CAMTA1: variants seen among roughly 807,000 people sequenced by gnomAD.
CAMTA1 encodes calmodulin-binding transcription activator 1.
CAMTA1 carries 27 observed loss-of-function variants against 170.9 expected under a neutral mutation model. The observed-to-expected ratio is 0.16, with a 90% confidence interval of 0.12 to 0.22. CAMTA1 has a LOEUF of 0.22. Among genes scored for constraint, CAMTA1 ranks in the 10% least tolerant of loss-of-function variants. The pLI is 1.00. For synonymous variants in CAMTA1, 833 were observed against 891.5 expected (o/e 0.93, Z 1.17); for missense variants, 1,619 against 2,217.2 (o/e 0.73, Z 5.42).
chr1:7,103,355 CACA>C (rs1231474676), intron 4 of CAMTA1, among the ~76,000 whole-genome samples: 2 of 151,824 alleles, frequency 1.3e-5, no homozygotes, highest in Admixed American at 6.6e-5. Flanking sequence ...CACATGCACA[CACA>C]ACACACACAT....
intron 6 of CAMTA1, among the ~76,000 whole-genome samples, chr1:7,521,144 G>A (rs904555903): frequency 5.9e-5 from 9 of 152,088 alleles, no homozygotes; most frequent in Admixed American, 2.0e-4. Context: ...TGATCTTCCC[G>A]CTTTTATTAC....
chr1:6,874,743 G>A (rs1319939960), intron 3 of CAMTA1, among the ~76,000 whole-genome samples: 1 of 152,170 alleles, frequency 6.6e-6, no homozygotes, highest in Admixed American at 6.5e-5. Flanking sequence ...TTGTTGATAG[G>A]TTCTTTTAAC....
At chr1:7,425,209 G>C (rs1160477992) in intron 5 of CAMTA1, among the ~76,000 whole-genome samples, 1 of 152,198 alleles carries the variant, frequency 6.6e-6, no homozygotes, top group Non-Finnish European at 1.5e-5. Flanking sequence ...CTGTGGGGAA[G>C]ACTTCCTGCT....
In CAMTA1 at chr1:7,696,843, G is replaced by A. The variant is rs1192696058; in HGVS notation, c.2914+19110G>A. 1.3e-5 allele frequency among the ~76,000 whole-genome samples: 2 copies of A among 152,184 alleles called. 1 individual carries two copies. The highest frequency in any genetic ancestry group is 4.8e-5 in the African/African-American group (2 of 41,440). ...ACACTCTGCACGGGAGGATCTGTGA[G>A]CCCTTAGCCAGGTGAAGAAGTGCAT... On this transcript the variant is annotated intron_variant, in intron 11 of 22. Coordinates refer to ENST00000303635, the MANE Select transcript of CAMTA1 (RefSeq NM_015215.4).
chr1:7,408,058 G>A (rs1047649676), intron 5 of CAMTA1, among the ~76,000 whole-genome samples: 2 of 152,184 alleles, frequency 1.3e-5, no homozygotes, highest in South Asian at 2.1e-4. Flanking sequence ...CACCGGCCAC[G>A]AGGCCTGGTC....
chr1:7,154,691 C>T (rs1046923613), intron 4 of CAMTA1, among the ~76,000 whole-genome samples: 7 of 152,220 alleles, frequency 4.6e-5, no homozygotes, highest in East Asian at 1.9e-4. Flanking sequence ...ACCCGAGTTC[C>T]GGGATGCCCT....
intron 5 of CAMTA1, among the ~76,000 whole-genome samples, chr1:7,383,719 ATGG>A (rs2087611041): frequency 6.6e-6 from 1 of 151,836 alleles, no homozygotes; most frequent in African/African-American, 2.4e-5. Context: ...GATGATGGTG[ATGG>A]TGGTGGTGGT....
At chr1:7,671,908 A>G (rs559719481) in intron 10 of CAMTA1, among the ~76,000 whole-genome samples, 1 of 152,290 alleles carries the variant, frequency 6.6e-6, no homozygotes, top group African/African-American at 2.4e-5. Context: ...GGGCTGGCAG[A>G]GTGCCGGACA....
intron 5 of CAMTA1, among the ~76,000 whole-genome samples, chr1:7,363,652 G>A (rs148114932): frequency 3.7e-4 from 56 of 152,262 alleles, no homozygotes; most frequent in East Asian, 3.9e-4. Flanking sequence ...TTTAAGCCCC[G>A]TGATTAGCAG....
intron 21 of CAMTA1, 142 bp from the exon 22 acceptor site, chr1:7,755,496 A>G: frequency 1.5e-6 from 1 of 687,174 alleles, no homozygotes; most frequent in Non-Finnish European, 2.6e-6. Flanking sequence ...CATTTCACGT[A>G]CCCCACCATC....
intron 4 of CAMTA1, among the ~76,000 whole-genome samples, chr1:7,172,803 C>G (rs563996762): frequency 6.6e-6 from 1 of 152,150 alleles, no homozygotes; most frequent in Admixed American, 6.5e-5. Context: ...CTGGCATCCC[C>G]GGGGCCCTGG....
rs889706406 is a variant in CAMTA1 at position 7,251,606 on chromosome 1, G to C, written c.438+1980G>C. Among the ~76,000 whole-genome samples the C allele has an allele frequency of 1.3e-5, 2 of 152,196 alleles. No individual in the cohort carries two copies. The highest frequency in any genetic ancestry group is 2.4e-5 in the African/African-American group (1 of 41,442). Reference sequence around the variant, plus strand: ...GAGCCACTCAGCAGATATCGACCCTGTGTGCCTACTCTGTGCAAGGCACTA... The same window carrying C: ...GAGCCACTCAGCAGATATCGACCCTCTGTGCCTACTCTGTGCAAGGCACTA... On this transcript the variant is annotated intron_variant, in intron 5 of 22. Transcript: ENST00000303635. The surrounding 1 kb of genome is among the most constrained non-coding windows in gnomAD (Gnocchi z 5.1).
rs1273140131 is a variant in CAMTA1, at chr1:7,290,892, C to T, written c.438+41266C>T. 3.3e-5 allele frequency among the ~76,000 whole-genome samples: 5 copies of T among 151,994 alleles called. No individual in the cohort carries two copies. In the East Asian group the frequency reaches 7.7e-4, roughly 23 times the overall value. On this transcript the variant is annotated intron_variant, in intron 5 of 22. Coordinates refer to ENST00000303635, the MANE Select transcript of CAMTA1 (RefSeq NM_015215.4). ...AACTTTACTGTCCTAAAATGTCCCT[C>T]ATTTTGCAAATGAGGAAATGGGGGC...
At chr1:7,739,989 AGT>A (rs2096799791) in intron 16 of CAMTA1, among the ~76,000 whole-genome samples, 1 of 152,136 alleles carries the variant, frequency 6.6e-6, no homozygotes, top group Admixed American at 6.5e-5. Context: ...TGGGAGCTAC[AGT>A]TCAACATGAA....
At chr1:7,235,454 T>C (rs1030728077) in intron 4 of CAMTA1, among the ~76,000 whole-genome samples, 2 of 152,110 alleles carry the variant, frequency 1.3e-5, no homozygotes, top group African/African-American at 2.4e-5. Context: ...GCGAAACCCC[T>C]GTGTCTACTA....
At chr1:6,859,462 G>T (rs1356461632) in intron 3 of CAMTA1, among the ~76,000 whole-genome samples, 1 of 152,194 alleles carries the variant, frequency 6.6e-6, no homozygotes, top group Non-Finnish European at 1.5e-5. Context: ...AGAAGTGCTT[G>T]TCAGAGTGTA....
chr1:7,326,360 G>A (rs1212351863), intron 5 of CAMTA1, among the ~76,000 whole-genome samples: 4 of 152,242 alleles, frequency 2.6e-5, no homozygotes, highest in African/African-American at 9.6e-5. Context: ...CAGCAGGGAA[G>A]TGGTACTTCT....
intron 5 of CAMTA1, among the ~76,000 whole-genome samples, chr1:7,439,673 C>T (rs2092460479): frequency 6.6e-6 from 1 of 152,194 alleles, no homozygotes; most frequent in South Asian, 2.1e-4. Context: ...CCAGACACCA[C>T]CTGGGCAGCT....
intron 3 of CAMTA1, among the ~76,000 whole-genome samples, chr1:7,085,723 C>T (rs1362583225): frequency 6.6e-6 from 1 of 152,250 alleles, no homozygotes; most frequent in Non-Finnish European, 1.5e-5. Flanking sequence ...TGCTCACCTG[C>T]CAGCCCCCAT....
Sources: allele counts gnomAD v4.1 joint callset (sites outside exome capture counted in the v4.1 genomes callset), GRCh38; gene constraint gnomAD v4.1.1; non-coding constraint Gnocchi (gnomAD v3.1); transcripts MANE v1.5; gene names NCBI Gene and HGNC (gene_info 2026-07-23, HGNC 2026-07-21).